Variants in ARHGEF7 observed in about 807,000 individuals in gnomAD.
ARHGEF7 encodes Rho guanine nucleotide exchange factor 7, also known as PAK-interacting exchange factor beta.
ARHGEF7 carries 33 observed loss-of-function variants against 109.8 expected under a neutral mutation model. The ratio of observed to expected loss-of-function variants is 0.30; its 90% confidence interval spans 0.23 to 0.40. The LOEUF (loss-of-function observed/expected upper bound fraction) is 0.40, where lower values mean the gene tolerates loss of function less well. ARHGEF7 is among the 10% of genes least tolerant of loss of function. ARHGEF7 has a pLI of 1.00. For missense variants in ARHGEF7, 938 were observed against 1,098.5 expected (o/e 0.85, Z 2.07); for synonymous variants, 458 against 424.6 (o/e 1.08, Z -0.97).
intron 17 of ARHGEF7, among the ~76,000 whole-genome samples, chr13:111,286,804 G>A (rs978349681): frequency 6.6e-6 from 1 of 152,224 alleles, no homozygotes; most frequent in Non-Finnish European, 1.5e-5. Flanking sequence ...AATAAGTGGA[G>A]CTCTTTTCAG....
intron 15 of ARHGEF7, 39 bp downstream of exon 15, chr13:111,280,716 C>A (rs1403251913): frequency 1.4e-6 from 2 of 1,447,702 alleles, no homozygotes; most frequent in Admixed American, 2.6e-5. Flanking sequence ...AGACTCCAGG[C>A]GTGGCATCCC....
intron 5 of ARHGEF7, among the ~76,000 whole-genome samples, chr13:111,232,944 G>A (rs2086297052): frequency 6.6e-6 from 1 of 152,192 alleles, no homozygotes; most frequent in South Asian, 2.1e-4. Context: ...CATTCGTGGA[G>A]CAGTCTCTTA....
Position 111,115,692 on chromosome 13 carries a change from G to A in ARHGEF7, c.165+1G>A. On this transcript the variant is annotated splice_donor_variant, in intron 1 of 21. Transcript: ENST00000646102. LOFTEE classifies it high-confidence loss of function. ...CCTGCTCCCCGGGACCATCGAGAAA[G>A]TAAGTCCCGGCCCGCGCCCCCGCCC... 8.1e-7 allele frequency: 1 copy of A among 1,228,658 alleles called. No individual in the cohort carries two copies. Among genetic ancestry groups the A allele is most frequent in the Non-Finnish European group, 1.0e-6 (1 of 978,118 alleles). The allele number at this position is 1,228,658 out of a possible 1,614,324, so 76.1% of individuals were successfully genotyped here.
chr13:111,130,846 T>C (rs2074707882), intron 1 of ARHGEF7, among the ~76,000 whole-genome samples: 1 of 152,112 alleles, frequency 6.6e-6, no homozygotes, highest in African/African-American at 2.4e-5. Flanking sequence ...GACTGATGCA[T>C]AGCTGTCGTA....
At chr13:111,269,995 A>G (rs1234953237) in intron 9 of ARHGEF7, among the ~76,000 whole-genome samples, 1 of 152,186 alleles carries the variant, frequency 6.6e-6, no homozygotes, top group East Asian at 1.9e-4. Context: ...GATTGGTTCA[A>G]GTGCAGTGGG....
At chr13:111,176,650 G>A (rs542024984) in intron 2 of ARHGEF7, among the ~76,000 whole-genome samples, 108 of 152,310 alleles carry the variant, frequency 7.1e-4, no homozygotes, top group South Asian at 1.7e-3. Context: ...GGACCCCCGC[G>A]TGCGGACGTT....
chr13:111,217,224 A>T (rs1313536261), intron 4 of ARHGEF7, among the ~76,000 whole-genome samples: 1 of 152,290 alleles, frequency 6.6e-6, no homozygotes, highest in Non-Finnish European at 1.5e-5. Context: ...CAAGGAAAGT[A>T]CTGTATATGG....
At chr13:111,253,022 G>C (rs1266368214) in intron 8 of ARHGEF7, among the ~76,000 whole-genome samples, 1 of 152,276 alleles carries the variant, frequency 6.6e-6, no homozygotes, top group Non-Finnish European at 1.5e-5. Context: ...GCCAGGCCCA[G>C]CAGCAGCTGG....
chr13:111,214,928 TCTTTG>T (rs2082931363), intron 4 of ARHGEF7, among the ~76,000 whole-genome samples: 1 of 152,234 alleles, frequency 6.6e-6, no homozygotes, highest in African/African-American at 2.4e-5. Context: ...TGTTGTGACC[TCTTTG>T]CTTTGATGCT....
intron 8 of ARHGEF7, among the ~76,000 whole-genome samples, chr13:111,247,273 CT>C (rs5806892): frequency 1.8e-3 from 264 of 146,132 alleles, no homozygotes; most frequent in East Asian, 4.4e-3. Context: ...CATACTCATT[CT>C]TTTTTTTTTT....
intron 2 of ARHGEF7, among the ~76,000 whole-genome samples, chr13:111,198,994 G>A (rs1018868157): frequency 5.3e-5 from 8 of 152,176 alleles, no homozygotes; most frequent in East Asian, 1.9e-4. Context: ...TGATAGGTGC[G>A]TTTACAAACC....
chr13:111,271,270 C>T (rs980228607), intron 9 of ARHGEF7, among the ~76,000 whole-genome samples: 6 of 152,180 alleles, frequency 3.9e-5, no homozygotes, highest in African/African-American at 1.2e-4. Context: ...TGAGAAGGGG[C>T]GGGGGACAGT....
chr13:111,153,794 C>G (rs931176028), intron 1 of ARHGEF7, 111 bp from the exon 2 acceptor site: 55 of 1,397,002 alleles, frequency 3.9e-5, no homozygotes, highest in Admixed American at 7.2e-5. Flanking sequence ...GGGGGCCGCT[C>G]GCCAGCGTCG....
chr13:111,280,924 G>A (rs193210388), intron 15 of ARHGEF7: 34 of 342,326 alleles, frequency 9.9e-5, no homozygotes, highest in Non-Finnish European at 1.7e-4. Context: ...GTGCTTGGGT[G>A]GGAAGCTGCT....
At chr13:111,173,575 G>A (rs1841851154) in intron 2 of ARHGEF7, among the ~76,000 whole-genome samples, 1 of 152,234 alleles carries the variant, frequency 6.6e-6, no homozygotes, top group African/African-American at 2.4e-5. Context: ...TGTATTCACT[G>A]ATTGGAAGCC....
intron 20 of ARHGEF7, 91 bp from the exon 21 acceptor site, chr13:111,301,387 T>C: frequency 9.2e-7 from 1 of 1,091,820 alleles, no homozygotes; most frequent in Non-Finnish European, 1.4e-6. Context: ...CGTGTCCTCC[T>C]CTCAGCATCG....
intron 2 of ARHGEF7, among the ~76,000 whole-genome samples, chr13:111,176,194 GA>G (rs1339623193): frequency 6.6e-6 from 1 of 152,176 alleles, no homozygotes; most frequent in African/African-American, 2.4e-5. Context: ...TAGGTTGATG[GA>G]AGTGTGGATT....
Position 111,115,683 on chromosome 13 carries a change from A to G in ARHGEF7, c.157A>G (p.Ile53Val), listed in dbSNP as rs1333664949. 4 of 1,265,766 alleles carry G rather than the reference A, an allele frequency of 3.2e-6. No homozygotes were observed. The highest frequency in any genetic ancestry group is 3.5e-5 in the East Asian group (1 of 28,956). 78.4% of individuals were successfully genotyped at this position (1,265,766 alleles called of 1,614,324 possible). A position where few individuals can be genotyped will look rare whatever the true frequency, so the allele number is the denominator to read the frequency against. Reference sequence around the variant, plus strand: ...GCTGGAGCGCCTGCTCCCCGGGACCATCGAGAAAGTAAGTCCCGGCCCGCG... The same window carrying G: ...GCTGGAGCGCCTGCTCCCCGGGACCGTCGAGAAAGTAAGTCCCGGCCCGCG... ...RLLERLLPGT[I>V]EKVYPEPRSE... The change falls in exon 1 of 22, where the codon ATC becomes GTC. Residue 53 changes from isoleucine to valine, a missense_variant. Ile to Val is a conservative substitution (Grantham distance 29). Around this residue, in one of 4 missense-constraint regions of ARHGEF7, gnomAD observed 165 missense variants for 125.8 expected, o/e 1.31. Transcript: ENST00000646102.
Position 111,170,635 on chromosome 13 carries a change from C to T in ARHGEF7, c.252+16644C>T, listed in dbSNP as rs1162322385. 2.0e-5 allele frequency among the ~76,000 whole-genome samples: 3 copies of T among 152,252 alleles called. No individual in the cohort carries two copies. The East Asian group carries it at 5.8e-4, about 29-fold the overall frequency. On this transcript the variant is annotated intron_variant, in intron 2 of 21. Coordinates refer to ENST00000646102, the MANE Select transcript of ARHGEF7 (RefSeq NM_001354046.2). ...GCCGGGGAAAGTGCTGTGTGTTACCCTTAGGCCAGATTCACTTTCTGGAAG... is the reference window on the plus strand; with the variant it reads ...GCCGGGGAAAGTGCTGTGTGTTACCTTTAGGCCAGATTCACTTTCTGGAAG...
Sources: gnomAD v4.1 joint callset for allele counts (sites outside exome capture counted in the v4.1 genomes callset) on GRCh38, gnomAD v4.1.1 for gene constraint, gnomAD v4.1.1 regional missense constraint, MANE v1.5 for transcripts, NCBI Gene and HGNC (gene_info 2026-07-23, HGNC 2026-07-21) for gene names.